MED13: variants seen among roughly 807,000 people sequenced by gnomAD.
MED13 encodes mediator of RNA polymerase II transcription subunit 13.
Under a neutral mutation model 225.2 loss-of-function variants are expected in MED13, and 23 were observed. That is an observed-to-expected ratio of 0.10 (90% CI 0.07 to 0.14). The LOEUF (loss-of-function observed/expected upper bound fraction) is 0.14, where lower values mean the gene tolerates loss of function less well. MED13 is among the 10% of genes least tolerant of loss of function. The pLI is 1.00. For missense variants in MED13, 2,197 were observed against 2,594.5 expected, an observed-to-expected ratio of 0.85 and a Z score of 3.33; for synonymous variants, 942 against 889.2, an observed-to-expected ratio of 1.06 and a Z score of -1.06.
chr17:61,976,179 G>C (rs926201058), intron 16 of MED13, among the ~76,000 whole-genome samples: 8 of 152,148 alleles, frequency 5.3e-5, no homozygotes, highest in South Asian at 2.1e-4. Context: ...ATCAACTAAT[G>C]AATGGATAAA....
intron 17 of MED13, among the ~76,000 whole-genome samples, chr17:61,969,485 A>G (rs1189985530): frequency 6.6e-6 from 1 of 152,186 alleles, no homozygotes; most frequent in Non-Finnish European, 1.5e-5. Context: ...AGGCCTAGGC[A>G]ACATAGTGAG....
At chr17:62,060,981 G>A (rs975156981) in intron 2 of MED13, among the ~76,000 whole-genome samples, 2 of 152,098 alleles carry the variant, frequency 1.3e-5, no homozygotes, top group African/African-American at 4.8e-5. Flanking sequence ...TTACAGGCGT[G>A]AGTGAGCCAT....
At chr17:61,990,553 T>TA (rs1491110260) in intron 11 of MED13, among the ~76,000 whole-genome samples, 6 of 150,826 alleles carry the variant, frequency 4.0e-5, no homozygotes, top group Admixed American at 6.6e-5. Flanking sequence ...TATATATATA[T>TA]TTTTTAGTAT....
intron 8 of MED13, among the ~76,000 whole-genome samples, chr17:62,017,210 C>A (rs866172375): frequency 1.1e-4 from 9 of 85,282 alleles, no homozygotes; most frequent in Admixed American, 1.2e-4. Flanking sequence ...CAGAGTAGAA[C>A]TAAAATGCTA....
At chr17:62,057,082 G>T (rs1449735677) in intron 2 of MED13, among the ~76,000 whole-genome samples, 1 of 151,730 alleles carries the variant, frequency 6.6e-6, no homozygotes, top group Non-Finnish European at 1.5e-5. Flanking sequence ...TCAAAAAAAT[G>T]GCATCTTTAA....
intron 3 of MED13, among the ~76,000 whole-genome samples, chr17:62,046,389 A>T (rs920467210): frequency 2.0e-5 from 3 of 152,236 alleles, no homozygotes; most frequent in Non-Finnish European, 4.4e-5. Context: ...GTAACTCGAA[A>T]GAGCATATAC....
At chr17:61,980,546 C>T (rs1450158607) in intron 16 of MED13, among the ~76,000 whole-genome samples, 1 of 152,124 alleles carries the variant, frequency 6.6e-6, no homozygotes, top group African/African-American at 2.4e-5. Context: ...ATTATTGATG[C>T]CTCATCTTTC....
intron 9 of MED13, chr17:62,005,072 T>G (rs1251363604): frequency 6.6e-6 from 1 of 152,162 alleles, no homozygotes; most frequent in Non-Finnish European, 1.5e-5. Context: ...TTTTTGTATT[T>G]TTAGTAGAGA....
At chr17:62,022,949 A>G (rs961874948) in intron 8 of MED13, among the ~76,000 whole-genome samples, 1 of 152,100 alleles carries the variant, frequency 6.6e-6, no homozygotes, top group African/African-American at 2.4e-5. Flanking sequence ...GTTTGAGGCT[A>G]TAATGAGCCA....
intron 8 of MED13, among the ~76,000 whole-genome samples, chr17:62,028,433 A>T (rs1247074781): frequency 6.6e-6 from 1 of 152,138 alleles, no homozygotes; most frequent in African/African-American, 2.4e-5. Context: ...AGAAAAAGTA[A>T]CTACTGGGTA....
intron 3 of MED13, among the ~76,000 whole-genome samples, chr17:62,046,635 A>G (rs2080900033): frequency 6.6e-6 from 1 of 152,116 alleles, no homozygotes; most frequent in South Asian, 2.1e-4. Flanking sequence ...AGCTCAGTTC[A>G]AGACCAGCCT....
chr17:62,042,660 T>C (rs2080863573), intron 3 of MED13, among the ~76,000 whole-genome samples: 1 of 152,062 alleles, frequency 6.6e-6, no homozygotes, highest in Admixed American at 6.6e-5. Context: ...CTGCTTTTTA[T>C]TGTTGTTTTT....
intron 3 of MED13, among the ~76,000 whole-genome samples, chr17:62,039,587 ATTTT>A (rs57066822): frequency 8.2e-5 from 9 of 109,340 alleles, no homozygotes; most frequent in Admixed American, 9.7e-5. Flanking sequence ...CCCAGCCAAG[ATTTT>A]TTTTTTTTTT....
chr17:62,063,731 A>C (rs2143793087), intron 1 of MED13, among the ~76,000 whole-genome samples: 1 of 152,348 alleles, frequency 6.6e-6, no homozygotes, highest in East Asian at 1.9e-4. Context: ...CTCTAATGAA[A>C]AGACATCTGA....
At position 61,966,450 on chromosome 17, in the gene MED13, C is replaced by A. The variant is rs780285438; in HGVS notation, c.4381+12G>T. The A allele has an allele frequency of 2.3e-5, 36 of 1,596,678 alleles. No homozygotes were observed. The Admixed American group carries it at 5.3e-4, about 24-fold the overall frequency. On this transcript the variant is annotated intron_variant, in intron 19 of 29. Transcript: ENST00000397786. ...TAACACCAGCCTTATACAATAAATA[C>A]AAATTCAATACCTAGGTCATATCTG...
At chr17:62,043,205 A>G (rs1303397455) in intron 3 of MED13, among the ~76,000 whole-genome samples, 2 of 150,372 alleles carry the variant, frequency 1.3e-5, no homozygotes, top group Admixed American at 6.6e-5. Flanking sequence ...AAGAAAGAAA[A>G]ATTATTGTAA....
At position 61,961,652 on chromosome 17, in the gene MED13, T is replaced by A. The variant is rs759057812; in HGVS notation, c.5192A>T (p.Asn1731Ile). 1 of 1,614,044 alleles carries A rather than the reference T, an allele frequency of 6.2e-7. No individual in the cohort carries two copies. The highest frequency in any genetic ancestry group is 1.1e-5 in the South Asian group (1 of 91,082). The stretch of plus-strand genomic sequence containing the variant: ...ACCAAAGCCAGTCAATGTTTTCACA[T>A]TGGTTGATGTTGGAAGTGGCCTCCG... ...QCRRPLPTST[N>I]VKTLTGFGPG... The change falls in exon 22 of 30, where the codon AAT (asparagine) becomes ATT (isoleucine). Residue 1731 changes from asparagine to isoleucine, a missense_variant. Asn to Ile is a moderately radical substitution (Grantham distance 149). Transcript: ENST00000397786.
Position 61,955,584 on chromosome 17 carries a change from T to G in MED13, c.5783-17A>C. 6.5e-7 allele frequency: 1 copy of G among 1,544,304 alleles called. No individual in the cohort carries two copies. The highest frequency in any genetic ancestry group is 8.7e-7 in the Non-Finnish European group (1 of 1,151,480). On this transcript the variant is annotated splice_polypyrimidine_tract_variant and intron_variant, in intron 25 of 29. Coordinates refer to ENST00000397786, the MANE Select transcript of MED13 (RefSeq NM_005121.3). ...ACACAGAATCTGAAAATGAAAGACA[T>G]TTTTTCTTTTAATAAACGAAGAATA...
At chr17:62,029,291 C>A (rs1453004943) in intron 8 of MED13, 3 of 499,912 alleles carry the variant, frequency 6.0e-6, no homozygotes, top group African/African-American at 5.8e-5. Context: ...ATAAAATTGT[C>A]TTTTATTTAG....
Sources: allele counts gnomAD v4.1 joint callset (sites outside exome capture counted in the v4.1 genomes callset), GRCh38; gene constraint gnomAD v4.1.1; transcripts MANE v1.5; gene names NCBI Gene and HGNC (gene_info 2026-07-23, HGNC 2026-07-21).